Variants in CNTN6 observed in about 807,000 individuals in gnomAD.
CNTN6 encodes the protein contactin 6.
Under a neutral mutation model 122.8 loss-of-function variants are expected in CNTN6, and 137 were observed. The ratio of observed to expected loss-of-function variants is 1.12; its 90% CI spans 0.97 to 1.29. The LOEUF (loss-of-function observed/expected upper bound fraction) is 1.29. CNTN6 is among the 50% of genes most tolerant of loss of function. The pLI, the probability that CNTN6 is intolerant of heterozygous loss-of-function variation, is 0.00. For missense variants in CNTN6, 1,634 were observed against 1,223.4 expected (o/e 1.34, Z -5.01); for synonymous variants, 570 against 426.0 (o/e 1.34, Z -4.16).
intron 12 of CNTN6, among the ~76,000 whole-genome samples, chr3:1,364,753 A>G (rs1331431172): frequency 6.6e-6 from 1 of 152,058 alleles, no homozygotes; most frequent in African/African-American, 2.4e-5. Flanking sequence ...CCCGTAACTA[A>G]AATGCATTCT....
At chr3:1,220,026 G>C (rs1412928020) in intron 2 of CNTN6, among the ~76,000 whole-genome samples, 9 of 150,102 alleles carry the variant, frequency 6.0e-5, no homozygotes, top group African/African-American at 2.2e-4. Flanking sequence ...AAATAAAAAA[G>C]AAAAAAAATA....
intron 12 of CNTN6, among the ~76,000 whole-genome samples, chr3:1,371,721 T>C (rs1374546125): frequency 6.6e-6 from 1 of 152,158 alleles, no homozygotes. Flanking sequence ...ATTTTAACAC[T>C]GGAAAATCTG....
At chr3:1,237,074 CTG>C (rs2094432011) in intron 4 of CNTN6, among the ~76,000 whole-genome samples, 1 of 151,232 alleles carries the variant, frequency 6.6e-6, no homozygotes, top group South Asian at 2.1e-4. Context: ...GTGCGAGACT[CTG>C]TTTCAAAAAG....
intron 4 of CNTN6, among the ~76,000 whole-genome samples, chr3:1,244,159 T>C (rs2094526359): frequency 1.3e-5 from 2 of 152,148 alleles, no homozygotes; most frequent in Admixed American, 6.5e-5. Context: ...ATAAGGTGTT[T>C]AGGTTTTAGG....
intron 7 of CNTN6, among the ~76,000 whole-genome samples, chr3:1,320,698 C>G (rs1157238392): frequency 6.6e-6 from 1 of 151,702 alleles, no homozygotes; most frequent in Non-Finnish European, 1.5e-5. Flanking sequence ...TGTGAACAGA[C>G]TGGGGATTCA....
At chr3:1,230,741 C>A (rs2094342998) in intron 4 of CNTN6, among the ~76,000 whole-genome samples, 1 of 152,208 alleles carries the variant, frequency 6.6e-6, no homozygotes, top group Non-Finnish European at 1.5e-5. Flanking sequence ...TGTGTATAGA[C>A]AAAGAAGACT....
At chr3:1,159,975 C>A (rs2093086072) in intron 2 of CNTN6, among the ~76,000 whole-genome samples, 1 of 151,946 alleles carries the variant, frequency 6.6e-6, no homozygotes, top group African/African-American at 2.4e-5. Context: ...CATGCGCCAC[C>A]ACACCTGGCT....
At chr3:1,113,932 A>C (rs2091598164) in intron 1 of CNTN6, among the ~76,000 whole-genome samples, 1 of 152,214 alleles carries the variant, frequency 6.6e-6, no homozygotes, top group African/African-American at 2.4e-5. Flanking sequence ...GCACAGAGCA[A>C]GGACAATCCT....
chr3:1,150,057 T>C (rs2092805395), intron 2 of CNTN6, among the ~76,000 whole-genome samples: 1 of 145,872 alleles, frequency 6.9e-6, no homozygotes, highest in Admixed American at 6.7e-5. Flanking sequence ...AGATTGGATC[T>C]ATTAAGTAGC....
Position 1,373,914 on chromosome 3 carries a change from T to C in CNTN6, c.1946-10T>C. 4 of 1,606,480 alleles carry C rather than the reference T, an allele frequency of 2.5e-6. No individual in the cohort carries two copies. Among genetic ancestry groups the C allele is most frequent in the Non-Finnish European group, 3.4e-6 (4 of 1,175,538 alleles). ...CCAACCTAGGTGCCTTAGTGTCTCATTCTTTTTAGTTCCAGAAATTCTCAA... is the reference window on the plus strand; with the variant it reads ...CCAACCTAGGTGCCTTAGTGTCTCACTCTTTTTAGTTCCAGAAATTCTCAA... On this transcript the variant is annotated splice_polypyrimidine_tract_variant and intron_variant, in intron 15 of 22. Coordinates refer to ENST00000446702, the MANE Select transcript of CNTN6 (RefSeq NM_001289080.2).
chr3:1,153,734 C>A (rs368877406), intron 2 of CNTN6, among the ~76,000 whole-genome samples: 1 of 152,132 alleles, frequency 6.6e-6, no homozygotes, highest in Non-Finnish European at 1.5e-5. Context: ...GCAGAGCAAA[C>A]GAACTACCTG....
At chr3:1,261,465 T>C (rs1430431869) in intron 4 of CNTN6, among the ~76,000 whole-genome samples, 1 of 152,108 alleles carries the variant, frequency 6.6e-6, no homozygotes, top group African/African-American at 2.4e-5. Flanking sequence ...ACTGGGACAT[T>C]TACTCATTAC....
At chr3:1,294,897 G>T (rs1390686950) in intron 5 of CNTN6, among the ~76,000 whole-genome samples, 1 of 152,114 alleles carries the variant, frequency 6.6e-6, no homozygotes, top group African/African-American at 2.4e-5. Flanking sequence ...CCTTTATAGG[G>T]CACAGGTTTT....
chr3:1,165,366 G>A (rs2093223369), intron 2 of CNTN6, among the ~76,000 whole-genome samples: 1 of 152,062 alleles, frequency 6.6e-6, no homozygotes. Context: ...ATAGTTTTAT[G>A]TTTCTCATTT....
At chr3:1,386,474 TTTTTCATCTTTTGG>T (rs1208501896) in intron 20 of CNTN6, among the ~76,000 whole-genome samples, 1 of 152,138 alleles carries the variant, frequency 6.6e-6, no homozygotes, top group Non-Finnish European at 1.5e-5. Flanking sequence ...AAGATGAATG[TTTTTCATCTTTTGG>T]TGATTGTTGC....
intron 1 of CNTN6, among the ~76,000 whole-genome samples, chr3:1,134,863 A>T (rs2092432190): frequency 1.3e-5 from 2 of 152,272 alleles, no homozygotes; most frequent in South Asian, 4.1e-4. Context: ...GTAAGAATGC[A>T]GGAAGCACAC....
At chr3:1,262,257 AT>A (rs1200460564) in intron 4 of CNTN6, among the ~76,000 whole-genome samples, 2 of 152,166 alleles carry the variant, frequency 1.3e-5, no homozygotes, top group African/African-American at 4.8e-5. Flanking sequence ...TGTGGCTAGG[AT>A]AAGCCAAAGC....
intron 20 of CNTN6, among the ~76,000 whole-genome samples, chr3:1,388,354 G>A (rs1320628682): frequency 1.4e-5 from 2 of 145,382 alleles, no homozygotes; most frequent in African/African-American, 2.5e-5. Flanking sequence ...TGAGGGTCCT[G>A]TCTGTTAGAA....
At chr3:1,330,043 C>A in intron 11 of CNTN6, 108 bp downstream of exon 11, 1 of 741,798 alleles carries the variant, frequency 1.3e-6, no homozygotes, top group South Asian at 3.2e-5. Context: ...GATAAAGTCT[C>A]ATTGGCATAC....
Sources: allele counts gnomAD v4.1 joint callset (sites outside exome capture counted in the v4.1 genomes callset), GRCh38; gene constraint gnomAD v4.1.1; transcripts MANE v1.5; gene names NCBI Gene and HGNC (gene_info 2026-07-23, HGNC 2026-07-21).